Variants in TRIML2 observed in about 807,000 individuals in gnomAD.
TRIML2 encodes the protein probable E3 ubiquitin-protein ligase TRIML2.
A neutral mutation model predicts 31.2 loss-of-function variants in TRIML2; 28 were observed. The ratio of observed to expected loss-of-function variants is 0.90; its 90% CI spans 0.66 to 1.23. The LOEUF (loss-of-function observed/expected upper bound fraction) is 1.23, where lower values mean the gene tolerates loss of function less well. TRIML2 is among the 50% of genes most tolerant of loss of function. TRIML2 has a pLI of 0.00. For synonymous variants in TRIML2, 187 were observed against 197.5 expected (o/e 0.95, Z 0.45); for missense variants, 536 against 528.3 (o/e 1.01, Z -0.14).
chr4:188,099,221 G>A lies in TRIML2; in HGVS notation c.481-46C>T. 4 of 1,547,460 alleles carry A rather than the reference G, an allele frequency of 2.6e-6. No homozygotes were observed. The South Asian group carries it at 4.9e-5, about 19-fold the overall frequency. On this transcript the variant is annotated intron_variant, in intron 4 of 7. Transcript: ENST00000682553. ...TACTATTCAACAACCTCAAGTTCAG[G>A]AACAAGAGTTCGGTAACTTCTCCTA...
intron 5 of TRIML2, 85 bp from the exon 6 acceptor site, chr4:188,097,431 T>C (rs1227990609): frequency 5.6e-6 from 7 of 1,243,272 alleles, no homozygotes; most frequent in Non-Finnish European, 8.2e-6. Flanking sequence ...CCTCTTACAA[T>C]GAACTCAATT....
Position 188,091,520 on chromosome 4 carries a change from C to T in TRIML2, c.1167G>A (p.Met389Ile), listed in dbSNP as rs1304036315. ...AATGGGAGAAATTGTAAATGAGGGA[C>T]ATCTCGGTCACATTGTAGAATGATA... ...GQISFYNVTE[M>I]SLIYNFSHCA... Residue 389 changes from methionine (M) to isoleucine (I), a missense_variant, in exon 8 of 8, where the codon ATG (methionine) becomes ATA (isoleucine). Met to Ile is a conservative substitution (Grantham distance 10). Transcript: ENST00000682553. 3 of 1,614,012 alleles carry T rather than the reference C, an allele frequency of 1.9e-6. No homozygotes were observed. The highest frequency in any genetic ancestry group is 2.7e-5 in the African/African-American group (2 of 74,896).
At chr4:188,092,909 G>C in intron 7 of TRIML2, 1 of 456,608 alleles carries the variant, frequency 2.2e-6, no homozygotes, top group South Asian at 1.5e-5. Context: ...TTCAGGGCTT[G>C]GTCCTGGGAC....
At chr4:188,096,771 C>T (rs1337535813) in intron 7 of TRIML2, among the ~76,000 whole-genome samples, 1 of 151,744 alleles carries the variant, frequency 6.6e-6, no homozygotes, top group Non-Finnish European at 1.5e-5. Flanking sequence ...ATTCTCCCAC[C>T]TCAGCCACTC....
chr4:188,098,956 C>G (rs1471600170), intron 5 of TRIML2, 79 bp downstream of exon 5: 2 of 1,489,410 alleles, frequency 1.3e-6, no homozygotes, highest in African/African-American at 1.4e-5. Context: ...GTTCTGACAG[C>G]AACCCCTAAT....
intron 5 of TRIML2, 110 bp downstream of exon 5, chr4:188,098,924 GT>G (rs1733646531): frequency 1.6e-6 from 2 of 1,249,894 alleles, no homozygotes; most frequent in Admixed American, 4.9e-5. Context: ...TTCTTTTGTG[GT>G]TGAAGATCAT....
chr4:188,105,112 A>C, intron 2 of TRIML2, 68 bp downstream of exon 2: 2 of 1,535,714 alleles, frequency 1.3e-6, no homozygotes, highest in Admixed American at 1.8e-5. Flanking sequence ...GAGGACCAGA[A>C]TGTCTGTCCA....
chr4:188,098,993 A>T (rs550238111), intron 5 of TRIML2, 42 bp downstream of exon 5: 1 of 1,610,868 alleles, frequency 6.2e-7, no homozygotes, highest in African/African-American at 1.3e-5. Context: ...TCATTTCTCA[A>T]ATACTGGAAT....
intron 7 of TRIML2, among the ~76,000 whole-genome samples, chr4:188,095,001 G>A (rs770900985): frequency 1.3e-5 from 2 of 152,126 alleles, no homozygotes; most frequent in Non-Finnish European, 2.9e-5. Flanking sequence ...CAACAAAGGG[G>A]CCAAGTAAAT....
intron 4 of TRIML2, among the ~76,000 whole-genome samples, chr4:188,099,754 C>A (rs1315377258): frequency 6.6e-6 from 1 of 152,172 alleles, no homozygotes; most frequent in Non-Finnish European, 1.5e-5. Context: ...GCACGCAGCC[C>A]TTACTCACAT....
At chr4:188,095,036 A>G (rs559807805) in intron 7 of TRIML2, among the ~76,000 whole-genome samples, 14 of 152,310 alleles carry the variant, frequency 9.2e-5, no homozygotes, top group African/African-American at 2.9e-4. Context: ...TAGTGTTTTT[A>G]ACAAATGAAA....
chr4:188,091,906 A>C lies in TRIML2; in HGVS notation c.781T>G (p.Cys261Gly). ...LTLDPETAHP[C>G]LALSEDLRTM... ...CTCAGGTCCTCAGATAGTGCCAGGC[A>C]GGGATGAGCTGTTTCAGGATCCAAT... Residue 261 changes from cysteine (C) to glycine (G), a missense_variant, in exon 8 of 8, where the codon TGC becomes GGC. By Grantham distance (159) the Cys-to-Gly change is radical. Coordinates refer to ENST00000682553, the MANE Select transcript of TRIML2 (RefSeq NM_173553.4). 1 of 1,613,026 alleles carries C rather than the reference A, an allele frequency of 6.2e-7. No individual in the cohort carries two copies. The highest frequency in any genetic ancestry group is 8.5e-7 in the Non-Finnish European group (1 of 1,179,946).
chr4:188,105,046 G>A lies in TRIML2; in HGVS notation c.190-114C>T, dbSNP rs1733967842. On this transcript the variant is annotated intron_variant, in intron 2 of 7. Coordinates refer to ENST00000682553, the MANE Select transcript of TRIML2 (RefSeq NM_173553.4). The stretch of plus-strand genomic sequence containing the variant: ...TATTTTCTTAGCCTTTAGGTTGAAG[G>A]TTCAACGAACTTATCTAATATTCTG... 4 of 1,412,986 alleles carry A rather than the reference G, an allele frequency of 2.8e-6. No homozygotes were observed. The African/African-American group carries it at 4.3e-5, about 15-fold the overall frequency. The allele number at this position is 1,412,986 out of a possible 1,614,324, so 87.5% of individuals were successfully genotyped here.
At chr4:188,092,754 T>C (rs1412709958) in intron 7 of TRIML2, 5 of 454,492 alleles carry the variant, frequency 1.1e-5, no homozygotes, top group Admixed American at 2.4e-5. Flanking sequence ...CAGCGGAGGA[T>C]GGAACACCTG....
intron 3 of TRIML2, among the ~76,000 whole-genome samples, chr4:188,102,998 TC>T (rs1733864774): frequency 6.8e-6 from 1 of 147,352 alleles, no homozygotes; most frequent in Non-Finnish European, 1.5e-5. Context: ...CTGCTTTTAC[TC>T]TCTTGGTTTT....
chr4:188,093,932 G>A (rs563216153), intron 7 of TRIML2, among the ~76,000 whole-genome samples: 11 of 151,740 alleles, frequency 7.2e-5, no homozygotes, highest in African/African-American at 2.4e-4. Flanking sequence ...GTGAAACCCC[G>A]TATCTACTAA....
Position 188,099,169 on chromosome 4 carries a change from C to A in TRIML2, c.487G>T (p.Gly163Cys), listed in dbSNP as rs1203491127. ...TCCATGTTCTCTCTCCCCACACGGCCCAGTCTCTGCAGAAGCATTTCTTCG... is the reference window on the plus strand; with the variant it reads ...TCCATGTTCTCTCTCCCCACACGGCACAGTCTCTGCAGAAGCATTTCTTCG... ...EMFQEMLQRL[G>C]RVGRENMEKL... The change falls in exon 5 of 8, where the codon GGC becomes TGC. Residue 163 changes from glycine to cysteine, a missense_variant. By Grantham distance (159) the Gly-to-Cys change is radical. Transcript: ENST00000682553. 2 of 1,604,690 alleles carry A rather than the reference C, an allele frequency of 1.2e-6. No homozygotes were observed. The highest frequency in any genetic ancestry group is 1.7e-6 in the Non-Finnish European group (2 of 1,177,150).
intron 1 of TRIML2, among the ~76,000 whole-genome samples, chr4:188,106,343 G>A (rs1734039478): frequency 6.6e-6 from 1 of 152,322 alleles, no homozygotes; most frequent in South Asian, 2.1e-4. Flanking sequence ...GAGCCACCGC[G>A]CCCGGCCGAA....
intron 1 of TRIML2, chr4:188,105,855 A>T (rs2111191412): frequency 6.5e-6 from 1 of 153,520 alleles, no homozygotes; most frequent in Admixed American, 6.4e-5. Context: ...TTATTAAAAT[A>T]CTTTCCCTTT....
Sources: allele counts gnomAD v4.1 joint callset (sites outside exome capture counted in the v4.1 genomes callset), GRCh38; gene constraint gnomAD v4.1.1; transcripts MANE v1.5; gene names NCBI Gene and HGNC (gene_info 2026-07-23, HGNC 2026-07-21).